Variants in MAGI2 observed in about 807,000 individuals in gnomAD.
The protein encoded by MAGI2 is membrane-associated guanylate kinase, WW and PDZ domain-containing protein 2.
In MAGI2, 35 loss-of-function variants were observed where a neutral mutation model predicts 133.3. That is an observed-to-expected ratio of 0.26 (90% CI 0.20 to 0.35). The LOEUF is 0.35. MAGI2 is among the 10% of genes least tolerant of loss of function. MAGI2 has a pLI of 1.00. For synonymous variants in MAGI2, 729 were observed against 710.6 expected (o/e 1.03, Z -0.41); for missense variants, 1,636 against 1,863.4 (o/e 0.88, Z 2.25).
intron 10 of MAGI2, among the ~76,000 whole-genome samples, chr7:78,205,909 A>G (rs1037157107): frequency 1.3e-5 from 2 of 152,162 alleles, no homozygotes; most frequent in Non-Finnish European, 2.9e-5. Flanking sequence ...CTGCCTTCTC[A>G]TTGGGATCCT....
At chr7:79,408,226 T>G (rs1446354532) in intron 1 of MAGI2, among the ~76,000 whole-genome samples, 1 of 152,142 alleles carries the variant, frequency 6.6e-6, no homozygotes, top group Non-Finnish European at 1.5e-5. Flanking sequence ...TTTCATAATA[T>G]GTTTTCTAAG....
At chr7:78,799,048 T>G (rs1787848987) in intron 2 of MAGI2, among the ~76,000 whole-genome samples, 1 of 152,178 alleles carries the variant, frequency 6.6e-6, no homozygotes, top group Non-Finnish European at 1.5e-5. Context: ...ATGAGATTGT[T>G]GAGGGTTAAT....
chr7:78,492,707 A>G lies in MAGI2; in HGVS notation c.966-2867T>C, dbSNP rs141757467. 1.7e-3 allele frequency among the ~76,000 whole-genome samples: 264 copies of G among 152,302 alleles called. 1 individual carries two copies. The highest frequency in any genetic ancestry group is 6.2e-3 in the African/African-American group (258 of 41,564). ...TTCAGTTCCTAGCTAGGGCAGATTC[A>G]GGTGCATGACATCAGTTTTCTGTAT... On this transcript the variant is annotated intron_variant, in intron 5 of 21. Transcript: ENST00000354212.
At chr7:78,320,620 T>C (rs997707244) in intron 9 of MAGI2, among the ~76,000 whole-genome samples, 1 of 152,176 alleles carries the variant, frequency 6.6e-6, no homozygotes, top group Admixed American at 6.5e-5. Context: ...ATGGAACATA[T>C]ATCAAAATAA....
intron 2 of MAGI2, among the ~76,000 whole-genome samples, chr7:78,794,029 T>C (rs1056493293): frequency 2.0e-5 from 3 of 152,254 alleles, no homozygotes; most frequent in South Asian, 2.1e-4. Flanking sequence ...AGTGACTAGA[T>C]GGTACTTGCA....
chr7:78,799,196 A>G (rs1787857025), intron 2 of MAGI2, among the ~76,000 whole-genome samples: 1 of 152,168 alleles, frequency 6.6e-6, no homozygotes, highest in Non-Finnish European at 1.5e-5. Context: ...TGAAATAGGC[A>G]GCGGACAACT....
chr7:78,442,145 C>G (rs1385951457), intron 6 of MAGI2, among the ~76,000 whole-genome samples: 1 of 152,154 alleles, frequency 6.6e-6, no homozygotes, highest in Non-Finnish European at 1.5e-5. Flanking sequence ...CAATTAAATT[C>G]AAGGAAGCAG....
chr7:78,947,628 C>A (rs913301521), intron 2 of MAGI2, among the ~76,000 whole-genome samples: 1 of 152,008 alleles, frequency 6.6e-6, no homozygotes, highest in Non-Finnish European at 1.5e-5. Flanking sequence ...TCATGAGATT[C>A]ATTTTTAACA....
chr7:78,517,246 T>A (rs2150574163), intron 4 of MAGI2, among the ~76,000 whole-genome samples: 1 of 151,300 alleles, frequency 6.6e-6, no homozygotes, highest in South Asian at 2.1e-4. Context: ...GATGTAAGGA[T>A]ACATCGTACT....
At chr7:78,031,365 C>A (rs1440194284) in intron 21 of MAGI2, among the ~76,000 whole-genome samples, 1 of 152,046 alleles carries the variant, frequency 6.6e-6, no homozygotes, top group African/African-American at 2.4e-5. Flanking sequence ...AAATAATACT[C>A]AATTTTTAAA....
chr7:79,118,129 CT>C (rs1231307219), intron 1 of MAGI2, among the ~76,000 whole-genome samples: 4 of 152,280 alleles, frequency 2.6e-5, no homozygotes, highest in Admixed American at 2.6e-4. Context: ...ATCTGTGTAA[CT>C]TTGGCTGAGA....
At chr7:78,620,127 C>T (rs1807573537) in intron 3 of MAGI2, among the ~76,000 whole-genome samples, 1 of 151,828 alleles carries the variant, frequency 6.6e-6, no homozygotes, top group Non-Finnish European at 1.5e-5. Context: ...TCTAAAATGA[C>T]AAAAATCTTA....
chr7:78,038,244 T>A (rs1469809359), intron 21 of MAGI2, among the ~76,000 whole-genome samples: 1 of 152,168 alleles, frequency 6.6e-6, no homozygotes, highest in Non-Finnish European at 1.5e-5. Flanking sequence ...ATTAATTGAA[T>A]GAAGAATGAA....
At chr7:78,412,244 G>A (rs889193151) in intron 6 of MAGI2, among the ~76,000 whole-genome samples, 2 of 152,036 alleles carry the variant, frequency 1.3e-5, no homozygotes, top group South Asian at 2.1e-4. Flanking sequence ...TTGGCACTAG[G>A]TGCAGGAGCT....
At chr7:79,086,584 G>T (rs1816515024) in intron 1 of MAGI2, among the ~76,000 whole-genome samples, 2 of 151,488 alleles carry the variant, frequency 1.3e-5, no homozygotes, top group South Asian at 4.2e-4. Context: ...TTATTTTTTT[G>T]CCAGTGTTCT....
chr7:79,356,075 A>G (rs1340984541), intron 1 of MAGI2, among the ~76,000 whole-genome samples: 1 of 152,228 alleles, frequency 6.6e-6, no homozygotes, highest in Non-Finnish European at 1.5e-5. Flanking sequence ...TCTTGCTTAA[A>G]GGATATAATT....
intron 2 of MAGI2, among the ~76,000 whole-genome samples, chr7:78,792,892 A>G (rs37861): frequency 0.34 from 52,225 of 152,104 alleles, 9,302 homozygotes; most frequent in East Asian, 0.52. Context: ...AATGTGCCTG[A>G]GTTAGAATTT....
At chr7:78,607,361 T>C (rs1263900153) in intron 3 of MAGI2, among the ~76,000 whole-genome samples, 1 of 151,212 alleles carries the variant, frequency 6.6e-6, no homozygotes, top group Non-Finnish European at 1.5e-5. Context: ...TAGTATTCAG[T>C]GGCTATGGTC....
At chr7:79,447,220 C>A (rs186270904) in intron 1 of MAGI2, among the ~76,000 whole-genome samples, 16 of 151,944 alleles carry the variant, frequency 1.1e-4, no homozygotes, top group Admixed American at 2.6e-4. Context: ...GGACATTGTA[C>A]TATGTATGTC....
Sources: gnomAD v4.1 joint callset for allele counts (sites outside exome capture counted in the v4.1 genomes callset) on GRCh38, gnomAD v4.1.1 for gene constraint, MANE v1.5 for transcripts, NCBI Gene and HGNC (gene_info 2026-07-23, HGNC 2026-07-21) for gene names.